Variants in ARHGAP20 observed in about 807,000 individuals in gnomAD.
ARHGAP20 encodes the protein Rho GTPase activating protein 20, also known as rho GTPase-activating protein 20.
ARHGAP20 carries 34 observed loss-of-function variants against 73.7 expected under a neutral mutation model. The observed-to-expected ratio is 0.46, with a 90% CI of 0.35 to 0.61. The LOEUF is 0.61. Among genes scored for constraint, ARHGAP20 ranks in the 20% least tolerant of loss-of-function variants. The pLI is 0.00. For synonymous variants in ARHGAP20, 523 were observed against 518.2 expected, an observed-to-expected ratio of 1.01 and a Z score of -0.13; for missense variants, 1,314 against 1,420.9, an observed-to-expected ratio of 0.92 and a Z score of 1.21.
chr11:110,638,025 T>C (rs1229086861), intron 2 of ARHGAP20, among the ~76,000 whole-genome samples: 1 of 152,032 alleles, frequency 6.6e-6, no homozygotes, highest in Non-Finnish European at 1.5e-5. Context: ...TAGATTTTAT[T>C]TGGAAGCACT....
intron 9 of ARHGAP20, among the ~76,000 whole-genome samples, chr11:110,597,273 A>G (rs558207286): frequency 1.8e-4 from 27 of 148,640 alleles, no homozygotes; most frequent in Non-Finnish European, 2.4e-4. Flanking sequence ...CATGTACCCT[A>G]AAGTATAATA....
intron 1 of ARHGAP20, among the ~76,000 whole-genome samples, chr11:110,704,271 A>G (rs1477398248): frequency 2.0e-5 from 3 of 152,194 alleles, no homozygotes; most frequent in African/African-American, 7.2e-5. Context: ...ACTCAGGTAA[A>G]TAAGGAAAGC....
chr11:110,611,452 C>A, intron 6 of ARHGAP20, 66 bp from the exon 7 acceptor site: 3 of 826,400 alleles, frequency 3.6e-6, no homozygotes, highest in East Asian at 6.3e-5. Flanking sequence ...AACAAATAAT[C>A]ATTGTCAAAT....
At chr11:110,603,271 T>C (rs964622237) in intron 9 of ARHGAP20, among the ~76,000 whole-genome samples, 2 of 152,198 alleles carry the variant, frequency 1.3e-5, no homozygotes, top group Non-Finnish European at 2.9e-5. Flanking sequence ...CAGTGATACT[T>C]TGAACTCAGG....
chr11:110,708,952 A>C (rs1447465817), intron 1 of ARHGAP20, among the ~76,000 whole-genome samples: 3 of 152,218 alleles, frequency 2.0e-5, no homozygotes, highest in Non-Finnish European at 4.4e-5. Context: ...TCAAGAGCTC[A>C]ATAGCTACAT....
chr11:110,599,850 G>A (rs1454921048), intron 9 of ARHGAP20, among the ~76,000 whole-genome samples: 1 of 151,900 alleles, frequency 6.6e-6, no homozygotes, highest in Non-Finnish European at 1.5e-5. Flanking sequence ...CCCACTCCAG[G>A]GCCTCCTCTC....
intron 2 of ARHGAP20, among the ~76,000 whole-genome samples, chr11:110,672,156 AAATT>A (rs1171736763): frequency 5.9e-5 from 9 of 152,310 alleles, no homozygotes; most frequent in East Asian, 5.8e-4. Flanking sequence ...TTATAGAAAA[AAATT>A]AATTAGACTT....
chr11:110,643,408 C>T (rs11213512), intron 2 of ARHGAP20, among the ~76,000 whole-genome samples: 43,406 of 151,928 alleles, frequency 0.29, 6,732 homozygotes, highest in African/African-American at 0.41. Context: ...TTTAGTACGA[C>T]AATCTTTCCT....
At chr11:110,595,671 A>G (rs1837557537) in intron 9 of ARHGAP20, among the ~76,000 whole-genome samples, 1 of 152,270 alleles carries the variant, frequency 6.6e-6, no homozygotes, top group African/African-American at 2.4e-5. Context: ...AGAACATTCC[A>G]TGCTCATGGG....
At chr11:110,595,575 C>A (rs1245576709) in intron 9 of ARHGAP20, among the ~76,000 whole-genome samples, 4 of 152,218 alleles carry the variant, frequency 2.6e-5, no homozygotes, top group African/African-American at 7.2e-5. Flanking sequence ...ACCTAGGAAT[C>A]CAACTTACAA....
Position 110,712,178 on chromosome 11 carries a change from G to T in ARHGAP20, c.54C>A (p.Ser18=). 2 of 1,366,374 alleles carry T rather than the reference G, an allele frequency of 1.5e-6. No homozygotes were observed. The highest frequency in any genetic ancestry group is 2.8e-5 in the East Asian group (1 of 35,494). The allele number at this position is 1,366,374 out of a possible 1,614,324, so 84.6% of individuals were successfully genotyped here. ...QETLGGQPGR[S]SSLTGVSRLA... Reference sequence around the variant, plus strand: ...GCCGAGACACTCCTGTCAGGGAAGAGGAGCGCCCCGGCTGTCCCCCTAGAG... The same window carrying T: ...GCCGAGACACTCCTGTCAGGGAAGATGAGCGCCCCGGCTGTCCCCCTAGAG... Residue 18 remains serine (S), a synonymous_variant, in exon 1 of 15, where the codon TCC becomes TCA. Transcript: ENST00000683387.
chr11:110,657,485 T>A (rs1949491394), intron 2 of ARHGAP20, among the ~76,000 whole-genome samples: 1 of 152,000 alleles, frequency 6.6e-6, no homozygotes, highest in Non-Finnish European at 1.5e-5. Context: ...TAGGATGATC[T>A]GGCCAAGAAA....
intron 11 of ARHGAP20, among the ~76,000 whole-genome samples, chr11:110,586,545 G>A (rs763800101): frequency 1.1e-4 from 16 of 152,034 alleles, no homozygotes; most frequent in Non-Finnish European, 1.8e-4. Flanking sequence ...TCTTCATTAC[G>A]GTGGGAAAAT....
chr11:110,661,749 T>C (rs1949617451), intron 2 of ARHGAP20, among the ~76,000 whole-genome samples: 2 of 152,134 alleles, frequency 1.3e-5, no homozygotes, highest in South Asian at 4.1e-4. Context: ...ATTAAGACAC[T>C]GTTAGTGAGG....
intron 2 of ARHGAP20, among the ~76,000 whole-genome samples, chr11:110,631,263 T>G (rs1354663595): frequency 6.6e-6 from 1 of 152,162 alleles, no homozygotes; most frequent in Non-Finnish European, 1.5e-5. Context: ...TTTTGACAAA[T>G]GTACTTATCT....
chr11:110,690,037 C>T (rs2135115837), intron 2 of ARHGAP20, among the ~76,000 whole-genome samples: 1 of 151,682 alleles, frequency 6.6e-6, no homozygotes, highest in Non-Finnish European at 1.5e-5. Context: ...ACTCTGTTAA[C>T]AGGTATTTAG....
At chr11:110,648,169 GTAAATATATATA>G (rs1949241893) in intron 2 of ARHGAP20, among the ~76,000 whole-genome samples, 1 of 68,368 alleles carries the variant, frequency 1.5e-5, no homozygotes, top group Admixed American at 1.8e-4. Context: ...ATATATATAT[GTAAATATATATA>G]TATATATGTA....
At chr11:110,635,095 T>C (rs866660548) in intron 2 of ARHGAP20, among the ~76,000 whole-genome samples, 2 of 152,142 alleles carry the variant, frequency 1.3e-5, no homozygotes, top group African/African-American at 4.8e-5. Context: ...TTATGGCTTA[T>C]CTATGTTTCT....
chr11:110,647,164 T>C (rs1949212463), intron 2 of ARHGAP20, among the ~76,000 whole-genome samples: 1 of 151,962 alleles, frequency 6.6e-6, no homozygotes, highest in Admixed American at 6.6e-5. Flanking sequence ...TGATTTTGTG[T>C]GTGTGTGTGT....
Sources: gnomAD v4.1 joint callset for allele counts (sites outside exome capture counted in the v4.1 genomes callset) on GRCh38, gnomAD v4.1.1 for gene constraint, MANE v1.5 for transcripts, NCBI Gene and HGNC (gene_info 2026-07-23, HGNC 2026-07-21) for gene names.